SEZ6L: variants seen among roughly 807,000 people sequenced by gnomAD.
SEZ6L encodes seizure 6-like protein.
In SEZ6L, 37 loss-of-function variants were observed where a neutral mutation model predicts 106.2. The ratio of observed to expected loss-of-function variants is 0.35; its 90% CI spans 0.27 to 0.46. The LOEUF is 0.46. SEZ6L is among the 20% of genes least tolerant of loss of function. SEZ6L has a pLI of 1.00. For missense variants in SEZ6L, 1,172 were observed against 1,332.8 expected (o/e 0.88, Z 1.88); for synonymous variants, 541 against 570.4 (o/e 0.95, Z 0.73).
At chr22:26,345,106 G>C (rs1327172941) in intron 10 of SEZ6L, among the ~76,000 whole-genome samples, 1 of 151,980 alleles carries the variant, frequency 6.6e-6, no homozygotes, top group African/African-American at 2.4e-5. Context: ...TTATAGGGTG[G>C]TTTTCTAATT....
intron 2 of SEZ6L, among the ~76,000 whole-genome samples, chr22:26,293,605 G>A (rs2081209009): frequency 6.6e-6 from 1 of 152,138 alleles, no homozygotes; most frequent in Non-Finnish European, 1.5e-5. Flanking sequence ...GGGATTACAG[G>A]CATGAGCCAG....
At chr22:26,348,750 G>C (rs2083158579) in intron 11 of SEZ6L, among the ~76,000 whole-genome samples, 1 of 47,608 alleles carries the variant, frequency 2.1e-5, no homozygotes, top group Non-Finnish European at 4.1e-5. Flanking sequence ...AAGAAGGGAG[G>C]AAGGGAGGGG....
At chr22:26,274,084 T>C (rs775807358) in intron 1 of SEZ6L, among the ~76,000 whole-genome samples, 2 of 152,222 alleles carry the variant, frequency 1.3e-5, no homozygotes, top group Non-Finnish European at 2.9e-5. Flanking sequence ...GAGAACTTTC[T>C]GTCCAGTGCT....
At chr22:26,328,564 C>G (rs1320492187) in intron 9 of SEZ6L, among the ~76,000 whole-genome samples, 1 of 152,086 alleles carries the variant, frequency 6.6e-6, no homozygotes, top group Admixed American at 6.5e-5. Flanking sequence ...TTGGGTTTTC[C>G]TGGTCATGGT....
At chr22:26,218,716 C>T (rs1569390337) in intron 1 of SEZ6L, among the ~76,000 whole-genome samples, 1 of 152,100 alleles carries the variant, frequency 6.6e-6, no homozygotes, top group Non-Finnish European at 1.5e-5. Flanking sequence ...GCAGGTGGAT[C>T]ACCTGAGGTC....
chr22:26,229,477 C>T (rs936419890), intron 1 of SEZ6L, among the ~76,000 whole-genome samples: 2 of 152,186 alleles, frequency 1.3e-5, no homozygotes, highest in African/African-American at 2.4e-5. Context: ...TCTCAGGCTG[C>T]GTATTAGAAG....
At chr22:26,268,465 G>A (rs1400102348) in intron 1 of SEZ6L, among the ~76,000 whole-genome samples, 1 of 152,166 alleles carries the variant, frequency 6.6e-6, no homozygotes, top group Non-Finnish European at 1.5e-5. Flanking sequence ...CTCCCAGTTT[G>A]AGTCTTTCTC....
chr22:26,324,032 C>T (rs1260523037), intron 9 of SEZ6L, among the ~76,000 whole-genome samples: 4 of 150,256 alleles, frequency 2.7e-5, no homozygotes, highest in African/African-American at 4.9e-5. Flanking sequence ...AGGACTTGAA[C>T]CCAGGTCTCT....
At chr22:26,190,617 G>A (rs1317159198) in intron 1 of SEZ6L, among the ~76,000 whole-genome samples, 3 of 151,998 alleles carry the variant, frequency 2.0e-5, no homozygotes, top group Admixed American at 6.6e-5. Flanking sequence ...GTCTATAGTT[G>A]GCCTTGGTTC....
chr22:26,381,211 G>A lies in SEZ6L; in HGVS notation c.*916G>A, dbSNP rs1313425859. The A allele has an allele frequency of 6.6e-6, 1 of 152,210 alleles. No individual in the cohort carries two copies. Among genetic ancestry groups the A allele is most frequent in the Non-Finnish European group, 1.5e-5 (1 of 68,066 alleles). 9.4% of individuals were successfully genotyped at this position (152,210 alleles called of 1,614,324 possible). On this transcript the variant is annotated 3_prime_UTR_variant, in exon 17 of 17. Transcript: ENST00000248933. ...AGGCACCAGCGGCCCCACTCATACA[G>A]TGACAAGGATTTGTGATGGGAAAAA...
chr22:26,358,095 C>A (rs975270626), intron 12 of SEZ6L, among the ~76,000 whole-genome samples: 4 of 152,170 alleles, frequency 2.6e-5, no homozygotes, highest in African/African-American at 9.7e-5. Context: ...CACTGTTGAG[C>A]CGTCTCCTGT....
chr22:26,271,656 G>A (rs1446817691), intron 1 of SEZ6L, among the ~76,000 whole-genome samples: 1 of 152,118 alleles, frequency 6.6e-6, no homozygotes, highest in Non-Finnish European at 1.5e-5. Context: ...TTCTGTTCTT[G>A]CCGTGTGATG....
chr22:26,179,101 G>A (rs1416170426), intron 1 of SEZ6L, among the ~76,000 whole-genome samples: 1 of 152,174 alleles, frequency 6.6e-6, no homozygotes, highest in African/African-American at 2.4e-5. Flanking sequence ...TAAAAAAAGA[G>A]GCTTGAGGCC....
chr22:26,291,976 A>AAAGGAAGGAAGGAAGG (rs56887152), intron 1 of SEZ6L, among the ~76,000 whole-genome samples: 5 of 123,314 alleles, frequency 4.1e-5, no homozygotes, highest in South Asian at 3.2e-4. Flanking sequence ...GTCTTCAGGA[A>AAAGGAAGGAAGGAAGG]AAGGAAGGAA....
chr22:26,227,986 T>C (rs1342061154), intron 1 of SEZ6L, among the ~76,000 whole-genome samples: 3 of 152,110 alleles, frequency 2.0e-5, no homozygotes, highest in Non-Finnish European at 4.4e-5. Context: ...GGCAAAATAA[T>C]GTGCATTGAT....
chr22:26,215,844 C>G (rs918577998), intron 1 of SEZ6L, among the ~76,000 whole-genome samples: 4 of 152,152 alleles, frequency 2.6e-5, no homozygotes, highest in East Asian at 1.9e-4. Context: ...TCTGAGGAAA[C>G]GTTTAGGGCA....
chr22:26,372,715 A>G (rs934928961), intron 13 of SEZ6L, among the ~76,000 whole-genome samples: 2 of 152,218 alleles, frequency 1.3e-5, no homozygotes, highest in East Asian at 3.8e-4. Flanking sequence ...ATGACTGATG[A>G]CAAAGATGGG....
chr22:26,375,018 G>A (rs892201786), intron 14 of SEZ6L, among the ~76,000 whole-genome samples: 1 of 152,126 alleles, frequency 6.6e-6, no homozygotes, highest in East Asian at 1.9e-4. Context: ...AAAGGTCTAG[G>A]ACGGGCCCGT....
intron 1 of SEZ6L, among the ~76,000 whole-genome samples, chr22:26,248,426 C>T (rs765426949): frequency 6.6e-6 from 1 of 152,102 alleles, no homozygotes; most frequent in Non-Finnish European, 1.5e-5. Flanking sequence ...ACAATCATAC[C>T]TCACTGTAAC....
Sources: gnomAD v4.1 joint callset for allele counts (sites outside exome capture counted in the v4.1 genomes callset) on GRCh38, gnomAD v4.1.1 for gene constraint, MANE v1.5 for transcripts, NCBI Gene and HGNC (gene_info 2026-07-23, HGNC 2026-07-21) for gene names.